Variants in TASP1 observed in about 807,000 individuals in gnomAD.
The protein encoded by TASP1 is taspase 1.
A neutral mutation model predicts 56.6 loss-of-function variants in TASP1; 16 were observed. The ratio of observed to expected loss-of-function variants is 0.28; its 90% confidence interval spans 0.19 to 0.43. The LOEUF (loss-of-function observed/expected upper bound fraction) is 0.43, where lower values mean the gene tolerates loss of function less well. Ranked by LOEUF, TASP1 falls within the 20% of genes least tolerant of loss-of-function variation. The pLI is 1.00. For missense variants in TASP1, 393 were observed against 511.6 expected, an observed-to-expected ratio of 0.77 and a Z score of 2.24; for synonymous variants, 179 against 184.2, an observed-to-expected ratio of 0.97 and a Z score of 0.23.
intron 10 of TASP1, among the ~76,000 whole-genome samples, chr20:13,492,398 C>T (rs1266156159): frequency 2.0e-5 from 3 of 152,202 alleles, no homozygotes; most frequent in Non-Finnish European, 2.9e-5. Flanking sequence ...ATTTATTACA[C>T]AGTACGTCAC....
chr20:13,500,603 C>T (rs1360677537), intron 10 of TASP1, among the ~76,000 whole-genome samples: 1 of 151,584 alleles, frequency 6.6e-6, no homozygotes, highest in Non-Finnish European at 1.5e-5. Context: ...AAAAGAAATA[C>T]ACAAAATGAA....
At chr20:13,140,589 T>C in the TASP1 span, among the ~76,000 whole-genome samples, 2 of 152,210 alleles carry the variant, frequency 1.3e-5, no homozygotes, top group South Asian at 2.1e-4. Flanking sequence ...GCTTCTGTTA[T>C]GTCTAGATGG....
At chr20:13,271,255 G>A in the TASP1 span, among the ~76,000 whole-genome samples, 22 of 152,102 alleles carry the variant, frequency 1.4e-4, no homozygotes, top group African/African-American at 3.9e-4. Context: ...ACAAGCTTCC[G>A]TTACTCTAAA....
intron 7 of TASP1, among the ~76,000 whole-genome samples, chr20:13,567,104 G>A (rs189491671): frequency 8.1e-4 from 124 of 152,200 alleles, no homozygotes; most frequent in African/African-American, 2.8e-3. Flanking sequence ...CCATAAAAAA[G>A]AGTAAGATCA....
chr20:13,557,755 T>A (rs2046214490), intron 8 of TASP1, among the ~76,000 whole-genome samples: 1 of 151,558 alleles, frequency 6.6e-6, no homozygotes, highest in African/African-American at 2.4e-5. Flanking sequence ...TAAATTTTTG[T>A]ACAGATGGGG....
At chr20:13,290,004 G>C in the TASP1 span, among the ~76,000 whole-genome samples, 1 of 152,166 alleles carries the variant, frequency 6.6e-6, no homozygotes, top group African/African-American at 2.4e-5. Flanking sequence ...AAGCACAAAG[G>C]CGTTTCTGAG....
At chr20:13,324,835 C>T in the TASP1 span, among the ~76,000 whole-genome samples, 1 of 152,140 alleles carries the variant, frequency 6.6e-6, no homozygotes, top group African/African-American at 2.4e-5. Context: ...TAGAAATAAC[C>T]TAGTTTAAGT....
chr20:13,548,230 CTG>C (rs2045872427), intron 8 of TASP1, among the ~76,000 whole-genome samples: 1 of 152,070 alleles, frequency 6.6e-6, no homozygotes, highest in Non-Finnish European at 1.5e-5. Context: ...CAAAATCAAA[CTG>C]TACTTTTAGA....
At chr20:13,470,964 T>C (rs1217507576) in intron 11 of TASP1, among the ~76,000 whole-genome samples, 1 of 152,182 alleles carries the variant, frequency 6.6e-6, no homozygotes, top group Non-Finnish European at 1.5e-5. Flanking sequence ...ACAAGTGTCC[T>C]TTTCTCTTCC....
At chr20:13,257,794 G>A in the TASP1 span, among the ~76,000 whole-genome samples, 1 of 151,976 alleles carries the variant, frequency 6.6e-6, no homozygotes, top group African/African-American at 2.4e-5. Flanking sequence ...ACAGTGTACT[G>A]TGGGCCAGTG....
At chr20:13,218,145 G>A in the TASP1 span, among the ~76,000 whole-genome samples, 3 of 151,994 alleles carry the variant, frequency 2.0e-5, no homozygotes, top group Non-Finnish European at 2.9e-5. Flanking sequence ...CAGCTACTCC[G>A]TAAGCTGAGG....
intron 12 of TASP1, among the ~76,000 whole-genome samples, chr20:13,426,103 T>C (rs2042609676): frequency 6.6e-6 from 1 of 152,206 alleles, no homozygotes; most frequent in Non-Finnish European, 1.5e-5. Context: ...GGTCAAATAG[T>C]AACAAAAGTC....
chr20:13,334,387 CGTA>C, the TASP1 span, among the ~76,000 whole-genome samples: 1 of 152,170 alleles, frequency 6.6e-6, no homozygotes, highest in African/African-American at 2.4e-5. Flanking sequence ...TTGAAACTGT[CGTA>C]GTATAGAAAC....
chr20:13,291,678 T>A, the TASP1 span, among the ~76,000 whole-genome samples: 10 of 152,186 alleles, frequency 6.6e-5, no homozygotes, highest in Admixed American at 5.2e-4. Context: ...GAGCAAATTA[T>A]GAGAAGCCCA....
chr20:13,535,805 T>C (rs747756147), intron 8 of TASP1, among the ~76,000 whole-genome samples: 2 of 152,172 alleles, frequency 1.3e-5, no homozygotes, highest in Non-Finnish European at 2.9e-5. Context: ...TTTCTACCTC[T>C]GTTTCGCAAG....
the TASP1 span, among the ~76,000 whole-genome samples, chr20:13,357,191 TA>T: frequency 6.6e-6 from 1 of 151,932 alleles, no homozygotes; most frequent in Non-Finnish European, 1.5e-5. Flanking sequence ...GAAAAACATT[TA>T]ATAGGCTTAC....
At chr20:13,234,605 C>T in the TASP1 span, among the ~76,000 whole-genome samples, 1 of 152,186 alleles carries the variant, frequency 6.6e-6, no homozygotes. Flanking sequence ...GCCATGTCCT[C>T]GCCAACATAT....
At chr20:13,161,339 G>A in the TASP1 span, among the ~76,000 whole-genome samples, 89 of 152,172 alleles carry the variant, frequency 5.8e-4, no homozygotes, top group Non-Finnish European at 8.8e-5. Context: ...ATGTGTCCAT[G>A]GTCCACCTAT....
the TASP1 span, among the ~76,000 whole-genome samples, chr20:13,170,094 A>G: frequency 2.6e-5 from 4 of 152,182 alleles, no homozygotes; most frequent in African/African-American, 9.6e-5. Context: ...CAATAAAGCA[A>G]TCATTTTTAG....
Sources: allele counts gnomAD v4.1 joint callset (sites outside exome capture counted in the v4.1 genomes callset), GRCh38; gene constraint gnomAD v4.1.1; transcripts MANE v1.5; gene names NCBI Gene and HGNC (gene_info 2026-07-23, HGNC 2026-07-21).